Variants in CWC22 observed in about 807,000 individuals in gnomAD.
CWC22 encodes pre-mRNA-splicing factor CWC22 homolog.
A neutral mutation model predicts 117.2 loss-of-function variants in CWC22; 53 were observed. The ratio of observed to expected loss-of-function variants is 0.45; its 90% CI spans 0.36 to 0.57. CWC22 has a LOEUF of 0.57. Among genes scored for constraint, CWC22 ranks in the 20% least tolerant of loss-of-function variants. The probability of loss-of-function intolerance (pLI) is 0.00; values close to 1 mark genes in which losing one functional copy is unlikely to be tolerated. For synonymous variants in CWC22, 360 were observed against 355.6 expected (o/e 1.01, Z -0.14); for missense variants, 980 against 1,068.8 (o/e 0.92, Z 1.16).
rs1575648311 is a variant in CWC22 at position 179,973,069 on chromosome 2, C to T, written c.804+124G>A. The T allele has an allele frequency of 9.6e-5, 43 of 445,672 alleles. 1 individual carries two copies. The East Asian group carries it at 1.5e-3, about 16-fold the overall frequency. The allele number at this position is 445,672 out of a possible 1,614,324, so 27.6% of individuals were successfully genotyped here. A position where few individuals can be genotyped will look rare whatever the true frequency, so the allele number is the denominator to read the frequency against. On this transcript the variant is annotated intron_variant, in intron 8 of 19. Coordinates refer to ENST00000410053, the MANE Select transcript of CWC22 (RefSeq NM_020943.3). ...TATTATAGTTTTAAAATGAAAATATCATCCAACATTTTTATCCCAAGGACT... is the reference window on the plus strand; with the variant it reads ...TATTATAGTTTTAAAATGAAAATATTATCCAACATTTTTATCCCAAGGACT...
chr2:179,958,942 C>A (rs1686675742), intron 14 of CWC22, 80 bp downstream of exon 14: 5 of 777,830 alleles, frequency 6.4e-6, no homozygotes, highest in Non-Finnish European at 8.7e-6. Flanking sequence ...TGCTTCAATC[C>A]ACAAAACTTA....
chr2:179,971,130 A>G, intron 8 of CWC22, 54 bp from the exon 9 acceptor site: 1 of 1,199,630 alleles, frequency 8.3e-7, no homozygotes. Flanking sequence ...CATACATTAA[A>G]TTATTTTTAT....
At position 179,965,912 on chromosome 2, in the gene CWC22, T is replaced by C; in HGVS notation, c.1281A>G (p.Glu427=). The part of the protein sequence containing the change: ...QDAGSSEEDE[E]EEEEEGEEDE... ...CTTCTTCTCCCTCTTCCTCTTCTTC[T>C]TCCTCGTCCTCTTCACTACTCCCAG... The change falls in exon 12 of 20, where the codon GAA becomes GAG. Residue 427 remains glutamate (E), a synonymous_variant. Transcript: ENST00000410053. The C allele has an allele frequency of 6.3e-7, 1 of 1,594,282 alleles. No individual in the cohort carries two copies. The highest frequency in any genetic ancestry group is 8.6e-7 in the Non-Finnish European group (1 of 1,162,198).
chr2:179,973,188 C>T lies in CWC22; in HGVS notation c.804+5G>A. 6.3e-7 allele frequency: 1 copy of T among 1,590,260 alleles called. No individual in the cohort carries two copies. The highest frequency in any genetic ancestry group is 8.6e-7 in the Non-Finnish European group (1 of 1,165,368). ...TGGGACCAAGTATTGAAGATAATTA[C>T]TTACCACATTTTGGTTAATAAGATG... On this transcript the variant is annotated splice_donor_5th_base_variant and intron_variant, in intron 8 of 19. Transcript: ENST00000410053.
intron 8 of CWC22, 54 bp from the exon 9 acceptor site, chr2:179,971,130 A>ATTATT: frequency 8.3e-7 from 1 of 1,199,630 alleles, no homozygotes; most frequent in Non-Finnish European, 1.1e-6. Context: ...CATACATTAA[A>ATTATT]TTATTTTTAT....
At chr2:179,982,782 G>A (rs568718054) in intron 4 of CWC22, among the ~76,000 whole-genome samples, 1 of 152,214 alleles carries the variant, frequency 6.6e-6, no homozygotes, top group Non-Finnish European at 1.5e-5. Flanking sequence ...AAGAACTAAC[G>A]GGAAAGAGCG....
At chr2:180,004,543 C>A (rs1351255274) in intron 1 of CWC22, among the ~76,000 whole-genome samples, 1 of 152,158 alleles carries the variant, frequency 6.6e-6, no homozygotes, top group Non-Finnish European at 1.5e-5. Flanking sequence ...AAGCGCACAG[C>A]ACCACACCCT....
chr2:180,002,706 C>G (rs1687875470), intron 1 of CWC22, among the ~76,000 whole-genome samples: 1 of 152,084 alleles, frequency 6.6e-6, no homozygotes, highest in African/African-American at 2.4e-5. Context: ...TTGGGACATA[C>G]AGAAAGAAGT....
chr2:179,992,731 A>T lies in CWC22; in HGVS notation c.27+584T>A, dbSNP rs1426655099. Among the ~76,000 whole-genome samples the T allele has an allele frequency of 2.0e-5, 3 of 152,230 alleles. No homozygotes were observed. In the East Asian group the frequency reaches 5.8e-4, roughly 29 times the overall value. On this transcript the variant is annotated intron_variant, in intron 2 of 19. Transcript: ENST00000410053. ...CTTAGAACAATCACTATAACATCTA[A>T]CAATCAATATAACACATATAAAACT...
At chr2:179,951,302 T>C (rs1331023415) in intron 17 of CWC22, among the ~76,000 whole-genome samples, 3 of 152,084 alleles carry the variant, frequency 2.0e-5, no homozygotes, top group Non-Finnish European at 4.4e-5. Flanking sequence ...TTCTCTGTTG[T>C]GTATGTACAC....
intron 3 of CWC22, among the ~76,000 whole-genome samples, chr2:179,988,344 T>C (rs1217414601): frequency 1.3e-5 from 2 of 152,200 alleles, no homozygotes; most frequent in Admixed American, 1.3e-4. Context: ...TTTGAAACAT[T>C]AAAAATTACT....
chr2:179,954,366 T>TA lies in CWC22; in HGVS notation c.1537-10dup, dbSNP rs368712255. ...TTTAGCATGCAAAATCGCTAATAAATAAAAAATCAGTACCATTAAAAATTG... is the reference window on the plus strand; with the variant it reads ...TTTAGCATGCAAAATCGCTAATAAATAAAAAAATCAGTACCATTAAAAATTG... On this transcript the variant is annotated splice_polypyrimidine_tract_variant and intron_variant, in intron 15 of 19. Transcript: ENST00000410053. The TA allele has an allele frequency of 1.3e-6, 2 of 1,534,156 alleles. No individual in the cohort carries two copies. Among genetic ancestry groups the TA allele is most frequent in the Non-Finnish European group, 1.8e-6 (2 of 1,121,806 alleles).
chr2:179,973,625 C>G lies in CWC22; in HGVS notation c.750+9G>C. The G allele has an allele frequency of 6.5e-7, 1 of 1,535,676 alleles. No homozygotes were observed. The highest frequency in any genetic ancestry group is 8.9e-7 in the Non-Finnish European group (1 of 1,124,038). ...TGTATCATTCTACTTACAAGCCATT[C>G]ATATATACCTTGTCATTTCTTCGAT... On this transcript the variant is annotated intron_variant, in intron 7 of 19. Transcript: ENST00000410053.
In CWC22 at chr2:179,989,710, T is replaced by C. The variant is rs144788238; in HGVS notation, c.28-1066A>G. 3.5e-3 allele frequency among the ~76,000 whole-genome samples: 535 copies of C among 152,216 alleles called. 3 individuals carry two copies. The highest frequency in any genetic ancestry group is 0.012 in the African/African-American group (518 of 41,532). ...ATCCTAATTAAAAAATCCAAATACA[T>C]TAAGGAACCAAAATGTTTACCTCTG... On this transcript the variant is annotated intron_variant, in intron 2 of 19. Transcript: ENST00000410053.
Position 179,965,955 on chromosome 2 carries a change from G to C in CWC22, c.1238C>G (p.Ser413Trp), listed in dbSNP as rs773327121. 11 of 1,610,810 alleles carry C rather than the reference G, an allele frequency of 6.8e-6. No homozygotes were observed. Among genetic ancestry groups the C allele is most frequent in the Non-Finnish European group, 8.5e-6 (10 of 1,177,984 alleles). Reference sequence around the variant, plus strand: ...ACTCCCAGCATCCTGGTCTGTGTTCGAGTCAGTATCTCCCTCATCAAGAAT... The same window carrying C: ...ACTCCCAGCATCCTGGTCTGTGTTCCAGTCAGTATCTCCCTCATCAAGAAT... ...KEILDEGDTD[S>W]NTDQDAGSSE... is the part of the protein sequence containing the mutation. The change falls in exon 12 of 20, where the codon TCG becomes TGG. Residue 413 changes from serine to tryptophan, a missense_variant. Around this residue, in one of 3 missense-constraint regions of CWC22, gnomAD observed 559 missense variants for 602.3 expected, o/e 0.93. Transcript: ENST00000410053.
intron 4 of CWC22, among the ~76,000 whole-genome samples, chr2:179,985,729 T>C (rs1173726881): frequency 6.6e-6 from 1 of 152,078 alleles, no homozygotes; most frequent in African/African-American, 2.4e-5. Flanking sequence ...AATCGTTCTA[T>C]TTTAGTATTA....
chr2:179,964,744 ATAT>A (rs1395442119), intron 12 of CWC22, 116 bp from the exon 13 acceptor site: 2 of 563,786 alleles, frequency 3.5e-6, no homozygotes, highest in African/African-American at 1.9e-5. Flanking sequence ...AAATTTAATA[ATAT>A]TATCTTTTTA....
intron 14 of CWC22, among the ~76,000 whole-genome samples, chr2:179,958,196 T>C (rs1004991034): frequency 1.3e-5 from 2 of 151,562 alleles, no homozygotes; most frequent in African/African-American, 4.8e-5. Flanking sequence ...CCAGGTGTGG[T>C]AGAGGGTGCC....
chr2:179,986,844 C>T lies in CWC22; in HGVS notation c.96-39G>A, dbSNP rs750668003. ...AGAAAACCAAGTTGCAAATTAAAAA[C>T]AACTATGTTATAAATATTTAGGAAA... On this transcript the variant is annotated intron_variant, in intron 3 of 19. Transcript: ENST00000410053. 1.6e-5 allele frequency: 18 copies of T among 1,124,178 alleles called. No individual in the cohort carries two copies. The South Asian group carries it at 2.0e-4, about 13-fold the overall frequency. The allele number at this position is 1,124,178 out of a possible 1,614,324, so 69.6% of individuals were successfully genotyped here.
Sources: gnomAD v4.1 joint callset for allele counts (sites outside exome capture counted in the v4.1 genomes callset) on GRCh38, gnomAD v4.1.1 for gene constraint, gnomAD v4.1.1 regional missense constraint, MANE v1.5 for transcripts, NCBI Gene and HGNC (gene_info 2026-07-23, HGNC 2026-07-21) for gene names.